The following AKT3 variants were observed in gnomAD, a reference collection of about 807,000 sequenced individuals.
AKT3 encodes AKT serine/threonine kinase 3.
AKT3 carries 15 observed loss-of-function variants against 65.3 expected under a neutral mutation model. That is an observed-to-expected ratio of 0.23 (90% CI 0.15 to 0.35). The LOEUF is 0.35. Among genes scored for constraint, AKT3 ranks in the 10% least tolerant of loss-of-function variants. The pLI is 1.00. For missense variants in AKT3, 243 were observed against 576.5 expected (o/e 0.42, Z 5.92); for synonymous variants, 206 against 183.8 (o/e 1.12, Z -0.98).
In AKT3 at chr1:243,626,622, G is replaced by T. The variant is rs1679185013; in HGVS notation, c.561+10989C>A. 2.0e-5 allele frequency among the ~76,000 whole-genome samples: 3 copies of T among 150,680 alleles called. No individual in the cohort carries two copies. The South Asian group carries it at 6.2e-4, about 31-fold the overall frequency. ...ACTGAAGGCCATATGCACACCTGTA[G>T]GTACAATAGAAGGTAAAAAAGAAAC... On this transcript the variant is annotated intron_variant, in intron 6 of 13. Coordinates refer to ENST00000673466, the MANE Select transcript of AKT3 (RefSeq NM_005465.7).
Position 243,572,878 on chromosome 1 carries a change from T to C in AKT3, c.819+48A>G, listed in dbSNP as rs780884282. The C allele has an allele frequency of 2.8e-5, 43 of 1,551,066 alleles. No homozygotes were observed. In the South Asian group the frequency reaches 3.8e-4, roughly 14 times the overall value. On this transcript the variant is annotated intron_variant, in intron 9 of 13. Coordinates refer to ENST00000673466, the MANE Select transcript of AKT3 (RefSeq NM_005465.7). ...TTTGTAATTACTTTATGTTTGTCCC[T>C]ATAGTCTCTGCAAAAACAAATTTTG...
chr1:243,602,708 T>C (rs1425645697), intron 8 of AKT3, among the ~76,000 whole-genome samples: 1 of 152,096 alleles, frequency 6.6e-6, no homozygotes, highest in Non-Finnish European at 1.5e-5. Flanking sequence ...ATACATGTTA[T>C]CAAAGAAATT....
At chr1:243,832,778 G>A (rs1010599104) in intron 2 of AKT3, among the ~76,000 whole-genome samples, 6 of 152,158 alleles carry the variant, frequency 3.9e-5, no homozygotes, top group East Asian at 3.8e-4. Flanking sequence ...AGTACAGCAC[G>A]TTACTGTACT....
intron 6 of AKT3, among the ~76,000 whole-genome samples, chr1:243,617,282 T>C (rs1376749548): frequency 6.6e-6 from 1 of 152,042 alleles, no homozygotes; most frequent in Non-Finnish European, 1.5e-5. Context: ...ACTTACATGG[T>C]GATCAGTGTT....
intron 2 of AKT3, among the ~76,000 whole-genome samples, chr1:243,807,080 G>A (rs1692775138): frequency 6.6e-6 from 1 of 152,186 alleles, no homozygotes; most frequent in Admixed American, 6.5e-5. Context: ...AATAGGAAAA[G>A]CTACAGTCTA....
At chr1:243,729,030 G>C (rs1687385881) in intron 2 of AKT3, among the ~76,000 whole-genome samples, 1 of 152,114 alleles carries the variant, frequency 6.6e-6, no homozygotes, top group Admixed American at 6.5e-5. Context: ...ATGATATTAA[G>C]AGATGGAGAA....
At chr1:243,545,416 C>G (rs1230350524) in intron 12 of AKT3, 94 bp downstream of exon 12, 4 of 694,136 alleles carry the variant, frequency 5.8e-6, no homozygotes, top group Non-Finnish European at 9.8e-6. Flanking sequence ...ATCATTACAT[C>G]ATTAACTTTT....
At chr1:243,643,792 A>T (rs1021079418) in intron 5 of AKT3, among the ~76,000 whole-genome samples, 2 of 152,260 alleles carry the variant, frequency 1.3e-5, no homozygotes, top group African/African-American at 4.8e-5. Context: ...TAAAGAAGGA[A>T]ATGTATCCTA....
downstream of AKT3, among the ~76,000 whole-genome samples, chr1:243,497,863 G>T (rs1257235793): frequency 6.6e-6 from 1 of 151,988 alleles, no homozygotes; most frequent in Non-Finnish European, 1.5e-5. Flanking sequence ...AATTTTTTTT[G>T]TAGAGATGAG....
chr1:243,627,000 A>T (rs1679216729), intron 6 of AKT3, among the ~76,000 whole-genome samples: 1 of 152,200 alleles, frequency 6.6e-6, no homozygotes, highest in Non-Finnish European at 1.5e-5. Flanking sequence ...ATGGTGGACC[A>T]AAAGAGATTT....
intron 4 of AKT3, among the ~76,000 whole-genome samples, chr1:243,647,128 G>C (rs1680881582): frequency 6.6e-6 from 1 of 152,168 alleles, no homozygotes. Flanking sequence ...CCAATGCAAT[G>C]TTTGTAATTT....
intron 2 of AKT3, among the ~76,000 whole-genome samples, chr1:243,813,290 C>A (rs1263379216): frequency 1.3e-5 from 2 of 152,030 alleles, no homozygotes; most frequent in African/African-American, 2.4e-5. Context: ...CTGAATCTAA[C>A]AATGAGGAAA....
intron 2 of AKT3, among the ~76,000 whole-genome samples, chr1:243,801,610 A>G (rs1692387225): frequency 6.6e-6 from 1 of 152,222 alleles, no homozygotes; most frequent in Non-Finnish European, 1.5e-5. Flanking sequence ...GAGGTTAGGG[A>G]AACTCTTTGA....
At chr1:243,797,707 T>C (rs1692108654) in intron 2 of AKT3, among the ~76,000 whole-genome samples, 1 of 152,138 alleles carries the variant, frequency 6.6e-6, no homozygotes, top group Non-Finnish European at 1.5e-5. Context: ...GAGGAGTTTC[T>C]AACATTTTCA....
At chr1:243,541,804 G>A (rs1355939691) in intron 12 of AKT3, among the ~76,000 whole-genome samples, 3 of 152,140 alleles carry the variant, frequency 2.0e-5, no homozygotes, top group Non-Finnish European at 2.9e-5. Flanking sequence ...AGAATTGTAA[G>A]TAATCTACAA....
chr1:243,626,905 T>TA (rs1679211254), intron 6 of AKT3, among the ~76,000 whole-genome samples: 1 of 152,210 alleles, frequency 6.6e-6, no homozygotes, highest in African/African-American at 2.4e-5. Flanking sequence ...GAAAGCTTGT[T>TA]AGTTTTCCCT....
chr1:243,629,214 T>C (rs1405541145), intron 6 of AKT3, among the ~76,000 whole-genome samples: 2 of 152,082 alleles, frequency 1.3e-5, no homozygotes, highest in African/African-American at 4.8e-5. Flanking sequence ...AGGCAGAGGT[T>C]GCAGTGAGCT....
intron 8 of AKT3, among the ~76,000 whole-genome samples, chr1:243,585,292 T>A (rs1373283957): frequency 1.3e-5 from 2 of 151,658 alleles, no homozygotes; most frequent in Admixed American, 1.3e-4. Context: ...TCAATATCAG[T>A]AAAATAGCCA....
intron 4 of AKT3, among the ~76,000 whole-genome samples, chr1:243,654,664 T>C (rs1681627765): frequency 1.3e-5 from 2 of 152,208 alleles, no homozygotes; most frequent in South Asian, 2.1e-4. Flanking sequence ...CTTTTATTCA[T>C]GGAAAATAGT....
Sources: gnomAD v4.1 joint callset for allele counts (sites outside exome capture counted in the v4.1 genomes callset) on GRCh38, gnomAD v4.1.1 for gene constraint, MANE v1.5 for transcripts, NCBI Gene and HGNC (gene_info 2026-07-23, HGNC 2026-07-21) for gene names.